Variants in RARB observed in about 807,000 individuals in gnomAD.
The protein encoded by RARB is HBV-activated protein.
RARB carries 17 observed loss-of-function variants against 51.9 expected under a neutral mutation model. The ratio of observed to expected loss-of-function variants is 0.33; its 90% CI spans 0.22 to 0.49. The LOEUF (loss-of-function observed/expected upper bound fraction) is 0.49. Among genes scored for constraint, RARB ranks in the 20% least tolerant of loss-of-function variants. RARB has a pLI of 0.99. For missense variants in RARB, 369 were observed against 550.8 expected (o/e 0.67, Z 3.30); for synonymous variants, 215 against 195.4 (o/e 1.10, Z -0.84).
intron 5 of RARB, among the ~76,000 whole-genome samples, chr3:25,372,306 A>C (rs1395102368): frequency 2.6e-5 from 4 of 152,166 alleles, no homozygotes; most frequent in African/African-American, 4.8e-5. Context: ...GATTCTACCC[A>C]CTAGATGCCA....
intron 2 of RARB, among the ~76,000 whole-genome samples, chr3:24,947,406 A>C (rs900264302): frequency 6.6e-6 from 1 of 152,234 alleles, no homozygotes; most frequent in South Asian, 2.1e-4. Context: ...GTAATTCACA[A>C]GATTAAATTT....
At chr3:25,286,037 C>G (rs898104826) in intron 5 of RARB, among the ~76,000 whole-genome samples, 1 of 148,752 alleles carries the variant, frequency 6.7e-6, no homozygotes, top group Admixed American at 6.7e-5. Flanking sequence ...AGGCTGTTAT[C>G]TAGCCACCCA....
intron 5 of RARB, among the ~76,000 whole-genome samples, chr3:25,309,772 G>A (rs1247807532): frequency 6.6e-6 from 1 of 152,080 alleles, no homozygotes; most frequent in Non-Finnish European, 1.5e-5. Flanking sequence ...TGGGATTTCA[G>A]GGATGAGCCA....
At chr3:25,015,873 A>G (rs1206224995) in intron 2 of RARB, among the ~76,000 whole-genome samples, 1 of 152,228 alleles carries the variant, frequency 6.6e-6, no homozygotes, top group African/African-American at 2.4e-5. Context: ...CTCTGATTCT[A>G]CATAAATAAA....
chr3:25,243,124 T>G (rs1182472413), intron 5 of RARB, among the ~76,000 whole-genome samples: 3 of 152,136 alleles, frequency 2.0e-5, no homozygotes, highest in Non-Finnish European at 4.4e-5. Flanking sequence ...ATAATTGGTG[T>G]ATAGGAGTGC....
At chr3:24,885,600 T>G (rs571526036) in intron 2 of RARB, among the ~76,000 whole-genome samples, 48 of 152,260 alleles carry the variant, frequency 3.2e-4, no homozygotes, top group African/African-American at 1.1e-3. Context: ...AACCTACATT[T>G]TTATGAAGAA....
intron 5 of RARB, among the ~76,000 whole-genome samples, chr3:25,221,670 TCTC>T (rs773827647): frequency 6.6e-6 from 1 of 152,122 alleles, no homozygotes; most frequent in African/African-American, 2.4e-5. Flanking sequence ...AGAAGTCACT[TCTC>T]CTCTTCCCTC....
At chr3:25,346,326 A>AT (rs1040815833) in intron 5 of RARB, among the ~76,000 whole-genome samples, 1 of 152,062 alleles carries the variant, frequency 6.6e-6, no homozygotes, top group African/African-American at 2.4e-5. Flanking sequence ...CTCCTGACTT[A>AT]TTTTTAATAA....
intron 2 of RARB, among the ~76,000 whole-genome samples, chr3:24,952,467 C>G (rs770838168): frequency 6.6e-6 from 1 of 152,064 alleles, no homozygotes; most frequent in Non-Finnish European, 1.5e-5. Context: ...CTGCTAATGG[C>G]GCTCCCCCCA....
chr3:25,210,901 C>G (rs1252543692), intron 5 of RARB, among the ~76,000 whole-genome samples: 1 of 151,998 alleles, frequency 6.6e-6, no homozygotes, highest in African/African-American at 2.4e-5. Context: ...TAAAAGTCCA[C>G]TCAATATTAT....
intron 5 of RARB, among the ~76,000 whole-genome samples, chr3:25,360,243 C>G (rs1329686916): frequency 6.6e-6 from 1 of 152,136 alleles, no homozygotes; most frequent in East Asian, 1.9e-4. Context: ...CCTTCTTTGT[C>G]TCTTTTGATC....
chr3:25,445,329 G>C (rs1469683673), intron 1 of RARB, among the ~76,000 whole-genome samples: 1 of 152,102 alleles, frequency 6.6e-6, no homozygotes, highest in Non-Finnish European at 1.5e-5. Context: ...CCGTAAACTG[G>C]GTGGCATATG....
In RARB at chr3:24,981,806, G is replaced by C. The variant is rs1414290826; in HGVS notation, c.-379-78319G>C. On this transcript the variant is annotated intron_variant, in intron 2 of 11. Transcript: ENST00000383772. Reference sequence around the variant, plus strand: ...ATGTGCTGTACCCACTGTCCAACCAGTCCCCACGAGACAAACCAGGTACCT... The same window carrying C: ...ATGTGCTGTACCCACTGTCCAACCACTCCCCACGAGACAAACCAGGTACCT... Among the ~76,000 whole-genome samples the C allele has an allele frequency of 2.0e-5, 3 of 152,236 alleles. No homozygotes were observed. The East Asian group carries it at 5.8e-4, about 30-fold the overall frequency.
At chr3:25,162,031 C>T (rs535172116) in intron 4 of RARB, among the ~76,000 whole-genome samples, 1 of 152,318 alleles carries the variant, frequency 6.6e-6, no homozygotes, top group Admixed American at 6.5e-5. Flanking sequence ...CCTGTGTGGA[C>T]TGAGGCCTGA....
chr3:25,087,657 A>G (rs1486806803), intron 3 of RARB, among the ~76,000 whole-genome samples: 1 of 152,188 alleles, frequency 6.6e-6, no homozygotes, highest in Non-Finnish European at 1.5e-5. Context: ...GTGTTATAAT[A>G]GTAATGGAGA....
At chr3:24,891,438 CA>C (rs1575056951) in intron 2 of RARB, among the ~76,000 whole-genome samples, 1 of 152,146 alleles carries the variant, frequency 6.6e-6, no homozygotes, top group Non-Finnish European at 1.5e-5. Context: ...TCATAGCCCC[CA>C]CTAGGTTAGT....
rs184005750 is a variant in RARB at position 25,519,868 on chromosome 3, A to G, written c.448+18545A>G. On this transcript the variant is annotated intron_variant, in intron 3 of 7. Transcript: ENST00000330688. ...AAATGGTTGAGAAAAATTGAGGCCA[A>G]TACTGTTTTTGCATTTACTTCTTTG... Among the ~76,000 whole-genome samples the G allele has an allele frequency of 2.0e-5, 3 of 152,330 alleles. No homozygotes were observed. In the East Asian group the frequency reaches 5.8e-4, roughly 29 times the overall value.
chr3:25,027,779 T>A (rs1213812232), intron 2 of RARB, among the ~76,000 whole-genome samples: 1 of 152,140 alleles, frequency 6.6e-6, no homozygotes, highest in East Asian at 1.9e-4. Flanking sequence ...GTGAACTATA[T>A]CAGAGACTCA....
Position 25,497,175 on chromosome 3 carries a change from G to A in RARB, c.307-4007G>A, listed in dbSNP as rs577715945. On this transcript the variant is annotated intron_variant, in intron 2 of 7. Coordinates refer to ENST00000330688, the MANE Select transcript of RARB (RefSeq NM_000965.5). ...GCTGGGATTACAGGGGTGAGCCACCGCGCCTGGCCGAAAACCAGGTCTTAA... is the reference window on the plus strand; with the variant it reads ...GCTGGGATTACAGGGGTGAGCCACCACGCCTGGCCGAAAACCAGGTCTTAA... Among the ~76,000 whole-genome samples, 12 of 152,260 alleles carry A rather than the reference G, an allele frequency of 7.9e-5. No homozygotes were observed. The East Asian group carries it at 1.4e-3, about 17-fold the overall frequency.
Sources: allele counts gnomAD v4.1 joint callset (sites outside exome capture counted in the v4.1 genomes callset), GRCh38; gene constraint gnomAD v4.1.1; transcripts MANE v1.5; gene names NCBI Gene and HGNC (gene_info 2026-07-23, HGNC 2026-07-21).